STAU1: variants seen among roughly 807,000 people sequenced by gnomAD.
The protein encoded by STAU1 is staufen double-stranded RNA binding protein 1.
Under a neutral mutation model 62.9 loss-of-function variants are expected in STAU1, and 13 were observed. That is an observed-to-expected ratio of 0.21 (90% CI 0.13 to 0.33). The LOEUF (loss-of-function observed/expected upper bound fraction) is 0.33. Among genes scored for constraint, STAU1 ranks in the 10% least tolerant of loss-of-function variants. The pLI is 1.00. For missense variants in STAU1, 571 were observed against 712.1 expected (o/e 0.80, Z 2.25); for synonymous variants, 269 against 265.1 (o/e 1.01, Z -0.14).
chr20:49,172,432 A>C lies in STAU1; in HGVS notation c.-85+1763T>G, dbSNP rs796943668. 3.9e-5 allele frequency among the ~76,000 whole-genome samples: 6 copies of C among 152,226 alleles called. No homozygotes were observed. The South Asian group carries it at 1.0e-3, about 26-fold the overall frequency. ...AATCTAAACTTATACAAACATAGAA[A>C]ACTTTTAACACAATAAAAATGAATA... is the stretch of plus-strand genomic sequence containing the variant. On this transcript the variant is annotated intron_variant, in intron 2 of 13. Transcript: ENST00000371856.
At chr20:49,177,889 T>A (rs997219845) in intron 1 of STAU1, among the ~76,000 whole-genome samples, 2 of 151,732 alleles carry the variant, frequency 1.3e-5, no homozygotes, top group Non-Finnish European at 2.9e-5. Context: ...CATACAAACA[T>A]TCATGTTTTG....
chr20:49,203,479 A>G, the STAU1 span, among the ~76,000 whole-genome samples: 1 of 152,122 alleles, frequency 6.6e-6, no homozygotes, highest in East Asian at 1.9e-4. Context: ...AAAAAGCCAG[A>G]ATATTTGTGA....
At chr20:49,156,318 T>C (rs1007582737) in intron 3 of STAU1, among the ~76,000 whole-genome samples, 11 of 152,190 alleles carry the variant, frequency 7.2e-5, no homozygotes, top group African/African-American at 2.4e-4. Context: ...TTCCAGATTG[T>C]CAGGCGTTAA....
At chr20:49,142,543 C>T (rs1369909937) in intron 5 of STAU1, among the ~76,000 whole-genome samples, 1 of 152,162 alleles carries the variant, frequency 6.6e-6, no homozygotes, top group African/African-American at 2.4e-5. Context: ...CACAGCAGCA[C>T]TACAATCACT....
Position 49,154,022 on chromosome 20 carries a change from T to C in STAU1, c.255A>G (p.Gly85=), listed in dbSNP as rs1231158367. The C allele has an allele frequency of 2.5e-6, 4 of 1,613,574 alleles. No homozygotes were observed. Among genetic ancestry groups the C allele is most frequent in the Admixed American group, 3.3e-5 (2 of 59,876 alleles). ...CAACAGGCTTATACATTGGTTTTTT[T>C]CCAAGTTTCATGCACAGTGCATTTA... ...VELNALCMKL[G]KKPMYKPVDP... is the part of the protein sequence containing the mutation. The change falls in exon 4 of 14, where the codon GGA becomes GGG. Residue 85 remains glycine, a synonymous_variant. Coordinates refer to ENST00000371856, the MANE Select transcript of STAU1 (RefSeq NM_017453.4).
chr20:49,123,892 G>C (rs1010441776), intron 7 of STAU1, among the ~76,000 whole-genome samples: 1 of 152,180 alleles, frequency 6.6e-6, no homozygotes, highest in African/African-American at 2.4e-5. Flanking sequence ...TCTGGGGTTG[G>C]GGAAGGGGTC....
At position 49,117,202 on chromosome 20, in the gene STAU1, G is replaced by C; in HGVS notation, c.1556C>G (p.Ser519Cys). 1 of 1,614,122 alleles carries C rather than the reference G, an allele frequency of 6.2e-7. No homozygotes were observed. Among genetic ancestry groups the C allele is most frequent in the Non-Finnish European group, 8.5e-7 (1 of 1,179,988 alleles). ...FPKNNKNEFV[S>C]LINCSSQPPL... Reference sequence around the variant, plus strand: ...TGGCTGAGAGGAGCAATTGATAAGAGATACAAATTCGTTCTTGTTGTTTTT... The same window carrying C: ...TGGCTGAGAGGAGCAATTGATAAGACATACAAATTCGTTCTTGTTGTTTTT... Residue 519 changes from serine to cysteine, a missense_variant, in exon 12 of 14, where the codon TCT becomes TGT. Physicochemically the swap from Ser to Cys is moderately radical, Grantham distance 112 (BLOSUM62 -1). Coordinates refer to ENST00000371856, the MANE Select transcript of STAU1 (RefSeq NM_017453.4). This position sits in a 1 kb window ranked among gnomAD's most constrained non-coding sequence, Gnocchi z 4.6.
At chr20:49,165,412 C>T (rs1043438002) in intron 3 of STAU1, among the ~76,000 whole-genome samples, 1 of 151,946 alleles carries the variant, frequency 6.6e-6, no homozygotes, top group Non-Finnish European at 1.5e-5. Context: ...AGTCTCAGCT[C>T]ACTGCAACCT....
chr20:49,184,539 T>C (rs189420597), intron 1 of STAU1, among the ~76,000 whole-genome samples: 161 of 152,242 alleles, frequency 1.1e-3, no homozygotes, highest in Non-Finnish European at 1.7e-3. Context: ...ACAGACAGTT[T>C]TTTTTCTCAA....
intron 3 of STAU1, among the ~76,000 whole-genome samples, chr20:49,155,926 G>A (rs1334140385): frequency 6.6e-6 from 1 of 152,160 alleles, no homozygotes; most frequent in Non-Finnish European, 1.5e-5. Context: ...ATGACTTCAT[G>A]CATGTGAGGG....
At chr20:49,153,886 A>C in intron 4 of STAU1, 47 bp downstream of exon 4, 2 of 1,524,216 alleles carry the variant, frequency 1.3e-6, no homozygotes, top group African/African-American at 3.0e-5. Flanking sequence ...AAGATCAGAC[A>C]CGTTTTCTCC....
chr20:49,144,898 G>A (rs1417319053), intron 5 of STAU1, among the ~76,000 whole-genome samples: 1 of 151,964 alleles, frequency 6.6e-6, no homozygotes, highest in African/African-American at 2.4e-5. Flanking sequence ...ATAATTATGT[G>A]GAATAACAAA....
chr20:49,149,480 T>C (rs779279116), intron 5 of STAU1, among the ~76,000 whole-genome samples: 4 of 152,208 alleles, frequency 2.6e-5, no homozygotes, highest in Non-Finnish European at 4.4e-5. Context: ...AAAAGCCATA[T>C]AGCAGTGTCC....
the STAU1 span, among the ~76,000 whole-genome samples, chr20:49,194,767 T>C: frequency 6.6e-6 from 1 of 151,822 alleles, no homozygotes; most frequent in East Asian, 1.9e-4. Context: ...TCAGCAGAGA[T>C]GGGGTTTCAC....
the STAU1 span, among the ~76,000 whole-genome samples, chr20:49,199,319 C>T: frequency 6.6e-6 from 1 of 151,142 alleles, no homozygotes; most frequent in African/African-American, 2.4e-5. Context: ...CAACCTCCAC[C>T]TCCTGGGTTG....
At chr20:49,136,403 T>C (rs1378403712) in intron 5 of STAU1, among the ~76,000 whole-genome samples, 1 of 152,232 alleles carries the variant, frequency 6.6e-6, no homozygotes, top group African/African-American at 2.4e-5. Context: ...CAAGTGTCAC[T>C]GAATTTAAGA....
At chr20:49,137,521 G>C (rs944901775) in intron 5 of STAU1, among the ~76,000 whole-genome samples, 2 of 152,116 alleles carry the variant, frequency 1.3e-5, no homozygotes, top group Middle Eastern at 3.2e-3. Flanking sequence ...TTTTGTCAAA[G>C]AATTTATAAA....
Position 49,166,181 on chromosome 20 carries a change from T to A in STAU1, c.21A>T (p.Gln7His). The A allele has an allele frequency of 6.2e-7, 1 of 1,614,094 alleles. No individual in the cohort carries two copies. MSQVQV[Q>H]VQNPSAALSG... ...AGAGAGCAGCAGATGGGTTCTGAAC[T>A]TGCACTTGAACTTGAGACATGGTCA... The change falls in exon 3 of 14, where the codon CAA becomes CAT. Residue 7 changes from glutamine to histidine, a missense_variant. Physicochemically the swap from Gln to His is conservative, Grantham distance 24. Coordinates refer to ENST00000371856, the MANE Select transcript of STAU1 (RefSeq NM_017453.4).
At chr20:49,207,222 C>G in the STAU1 span, among the ~76,000 whole-genome samples, 1 of 136,564 alleles carries the variant, frequency 7.3e-6, no homozygotes, top group East Asian at 2.1e-4. Context: ...TGAGACCCTG[C>G]AAAAAAAAAA....
Sources: allele counts gnomAD v4.1 joint callset (sites outside exome capture counted in the v4.1 genomes callset), GRCh38; gene constraint gnomAD v4.1.1; non-coding constraint Gnocchi (gnomAD v3.1); transcripts MANE v1.5; gene names NCBI Gene and HGNC (gene_info 2026-07-23, HGNC 2026-07-21).